Variants in RBFOX1 observed in about 807,000 individuals in gnomAD.
RBFOX1 encodes RNA binding protein fox-1 homolog 1.
A neutral mutation model predicts 57.7 loss-of-function variants in RBFOX1; 8 were observed. The observed-to-expected ratio is 0.14, with a 90% CI of 0.08 to 0.25. The LOEUF (loss-of-function observed/expected upper bound fraction) is 0.25. Ranked by LOEUF, RBFOX1 falls within the 10% of genes least tolerant of loss-of-function variation. The pLI, the probability that RBFOX1 is intolerant of heterozygous loss-of-function variation, is 1.00. For synonymous variants in RBFOX1, 326 were observed against 222.4 expected, an observed-to-expected ratio of 1.47 and a Z score of -4.15; for missense variants, 611 against 548.5, an observed-to-expected ratio of 1.11 and a Z score of -1.14.
chr16:7,079,720 T>G (rs1282582484), intron 4 of RBFOX1, among the ~76,000 whole-genome samples: 1 of 152,104 alleles, frequency 6.6e-6, no homozygotes, highest in Admixed American at 6.6e-5. Context: ...GTGCTTGAGA[T>G]GTTTAAGCTC....
intron 3 of RBFOX1, among the ~76,000 whole-genome samples, chr16:5,712,464 T>C (rs2051526478): frequency 6.6e-6 from 1 of 152,200 alleles, no homozygotes; most frequent in Admixed American, 6.5e-5. Context: ...AAGGTTTGGC[T>C]TTCACGCATG....
At chr16:6,232,960 A>G (rs182869194) in intron 1 of RBFOX1, among the ~76,000 whole-genome samples, 7 of 152,298 alleles carry the variant, frequency 4.6e-5, no homozygotes, top group African/African-American at 1.4e-4. Context: ...AGAACTCTCA[A>G]TATGGGCAGG....
intron 2 of RBFOX1, among the ~76,000 whole-genome samples, chr16:6,453,459 C>T (rs149336647): frequency 0.013 from 2,028 of 152,214 alleles, 41 homozygotes; most frequent in African/African-American, 0.046. Flanking sequence ...TGGACACATA[C>T]ACCCTCCCAA....
chr16:7,186,631 T>G (rs911096333), intron 4 of RBFOX1, among the ~76,000 whole-genome samples: 8 of 143,592 alleles, frequency 5.6e-5, no homozygotes, highest in Non-Finnish European at 1.2e-4. Context: ...TTTATATAAA[T>G]ATAATATTTA....
chr16:5,302,601 G>A (rs1200878031), intron 1 of RBFOX1, among the ~76,000 whole-genome samples: 2 of 152,116 alleles, frequency 1.3e-5, no homozygotes, highest in African/African-American at 2.4e-5. Context: ...TTGAAGCTCT[G>A]TTAATAGGTA....
At chr16:5,852,772 G>A (rs554055214) in intron 3 of RBFOX1, among the ~76,000 whole-genome samples, 1 of 152,104 alleles carries the variant, frequency 6.6e-6, no homozygotes, top group East Asian at 1.9e-4. Flanking sequence ...TGAGGCTGCA[G>A]TGAGTTATGA....
chr16:5,713,123 G>T (rs1315028520), intron 3 of RBFOX1, among the ~76,000 whole-genome samples: 1 of 152,186 alleles, frequency 6.6e-6, no homozygotes, highest in Non-Finnish European at 1.5e-5. Context: ...CTAGTTGAAT[G>T]AACCGACACT....
At chr16:7,525,463 G>A (rs2152309312) in intron 5 of RBFOX1, among the ~76,000 whole-genome samples, 1 of 152,224 alleles carries the variant, frequency 6.6e-6, no homozygotes, top group Admixed American at 6.5e-5. Flanking sequence ...ATGGCTAAAA[G>A]GTACATGGAC....
intron 1 of RBFOX1, among the ~76,000 whole-genome samples, chr16:5,454,894 CTTTCTTTCTTTCTTTCTTTCCTTTGTTT>C (rs1567535111): frequency 4.7e-5 from 4 of 84,914 alleles, no homozygotes; most frequent in South Asian, 3.9e-4. Context: ...TTCTTTCTTT[CTTTCTTTCTTTCTTTCTTTCCTTTGTTT>C]CTTTCTTCCT....
At chr16:5,693,047 G>T (rs1267089963) in intron 3 of RBFOX1, among the ~76,000 whole-genome samples, 5 of 152,178 alleles carry the variant, frequency 3.3e-5, no homozygotes, top group Non-Finnish European at 7.3e-5. Flanking sequence ...TTTTAAGTAT[G>T]GAAGTTTGTA....
chr16:7,105,482 C>T (rs62014129), intron 4 of RBFOX1, among the ~76,000 whole-genome samples: 20,711 of 151,898 alleles, frequency 0.14, 1,485 homozygotes, highest in Middle Eastern at 0.16. Context: ...TACTGCACTT[C>T]CACCCTTTCC....
At position 6,867,739 on chromosome 16, in the gene RBFOX1, T is replaced by C. The variant is rs150231890; in HGVS notation, c.-15-184318T>C. On this transcript the variant is annotated intron_variant, in intron 3 of 15. Coordinates refer to ENST00000550418, the MANE Select transcript of RBFOX1 (RefSeq NM_018723.4). Reference sequence around the variant, plus strand: ...CAAAAAGAAAGGGATCCAACAGATATTTATCAGTTAATGTGTGAATTACCC... The same window carrying C: ...CAAAAAGAAAGGGATCCAACAGATACTTATCAGTTAATGTGTGAATTACCC... 3.3e-5 allele frequency among the ~76,000 whole-genome samples: 5 copies of C among 152,204 alleles called. No individual in the cohort carries two copies. In the East Asian group the frequency reaches 7.7e-4, roughly 23 times the overall value.
At chr16:7,016,512 G>A (rs1041453558) in intron 3 of RBFOX1, among the ~76,000 whole-genome samples, 2 of 152,154 alleles carry the variant, frequency 1.3e-5, no homozygotes, top group African/African-American at 4.8e-5. Context: ...CAGCCACAGT[G>A]TATTCAGCAC....
intron 1 of RBFOX1, among the ~76,000 whole-genome samples, chr16:6,099,191 G>T (rs1162093688): frequency 6.6e-6 from 1 of 152,178 alleles, no homozygotes; most frequent in Non-Finnish European, 1.5e-5. Context: ...ATTTGGTTCA[G>T]TCAAAATGAA....
At chr16:6,397,423 C>G (rs1226744969) in intron 2 of RBFOX1, among the ~76,000 whole-genome samples, 1 of 149,698 alleles carries the variant, frequency 6.7e-6, no homozygotes, top group Non-Finnish European at 1.5e-5. Context: ...AATCTGCCCA[C>G]CCAGAATTCT....
intron 1 of RBFOX1, among the ~76,000 whole-genome samples, chr16:6,056,117 G>A (rs1033217394): frequency 2.0e-5 from 3 of 152,116 alleles, no homozygotes; most frequent in African/African-American, 7.2e-5. Flanking sequence ...TATAAACGGC[G>A]GGAAAATATC....
At chr16:6,783,997 A>T (rs1343432939) in intron 3 of RBFOX1, among the ~76,000 whole-genome samples, 1 of 152,110 alleles carries the variant, frequency 6.6e-6, no homozygotes, top group African/African-American at 2.4e-5. Flanking sequence ...TCTGCTGAGA[A>T]GTCTGCTGAC....
At chr16:6,134,481 A>T (rs1275970834) in intron 1 of RBFOX1, among the ~76,000 whole-genome samples, 2 of 152,160 alleles carry the variant, frequency 1.3e-5, no homozygotes, top group African/African-American at 4.8e-5. Flanking sequence ...CCATCCAGGG[A>T]TGCATAGTAA....
intron 3 of RBFOX1, among the ~76,000 whole-genome samples, chr16:6,777,862 G>T (rs1006724240): frequency 6.6e-6 from 1 of 152,090 alleles, no homozygotes; most frequent in African/African-American, 2.4e-5. Flanking sequence ...ATTCCTCAGA[G>T]GTGTCAGAGC....
Sources: allele counts gnomAD v4.1 joint callset (sites outside exome capture counted in the v4.1 genomes callset), GRCh38; gene constraint gnomAD v4.1.1; transcripts MANE v1.5; gene names NCBI Gene and HGNC (gene_info 2026-07-23, HGNC 2026-07-21).